The following CRKL variants were observed in gnomAD, a reference collection of about 807,000 sequenced individuals.
CRKL encodes the protein crk-like protein.
A neutral mutation model predicts 23.0 loss-of-function variants in CRKL; 3 were observed. The observed-to-expected ratio is 0.13, with a 90% CI of 0.06 to 0.34. The LOEUF is 0.34. Among genes scored for constraint, CRKL ranks in the 10% least tolerant of loss-of-function variants. The pLI is 1.00. For synonymous variants in CRKL, 188 were observed against 160.7 expected, an observed-to-expected ratio of 1.17 and a Z score of -1.28; for missense variants, 256 against 394.5, an observed-to-expected ratio of 0.65 and a Z score of 2.97.
chr22:20,936,210 A>G (rs1011662680), intron 2 of CRKL, among the ~76,000 whole-genome samples: 1 of 152,156 alleles, frequency 6.6e-6, no homozygotes, highest in Non-Finnish European at 1.5e-5. Flanking sequence ...TTTCAGAAGG[A>G]TGAAGTAAGG....
intron 1 of CRKL, among the ~76,000 whole-genome samples, chr22:20,924,137 A>G (rs779364552): frequency 7.2e-5 from 11 of 152,198 alleles, no homozygotes; most frequent in Non-Finnish European, 1.2e-4. Flanking sequence ...ACAGTGAGCT[A>G]TGATCATGCC....
At chr22:20,933,646 C>G (rs571044406) in intron 1 of CRKL, 133 bp from the exon 2 acceptor site, 1 of 756,868 alleles carries the variant, frequency 1.3e-6, no homozygotes, top group Admixed American at 2.9e-5. Context: ...CCAGCCTGGG[C>G]GACAAGAGCA....
chr22:20,949,961 C>T lies in CRKL; in HGVS notation c.*116C>T, dbSNP rs1922204006. 1 of 1,378,450 alleles carries T rather than the reference C, an allele frequency of 7.3e-7. No homozygotes were observed. Among genetic ancestry groups the T allele is most frequent in the Non-Finnish European group, 9.7e-7 (1 of 1,028,598 alleles). 85.4% of individuals were successfully genotyped at this position (1,378,450 alleles called of 1,614,324 possible). ...CACTGCATTGCCGAAGTCCAGCTTT[C>T]TGCAGACTGGCAGTCGCACACACAT... is the stretch of plus-strand genomic sequence containing the variant. On this transcript the variant is annotated 3_prime_UTR_variant, in exon 3 of 3. Transcript: ENST00000354336.
In CRKL at chr22:20,950,027, T is replaced by A; in HGVS notation, c.*182T>A. On this transcript the variant is annotated 3_prime_UTR_variant, in exon 3 of 3. Transcript: ENST00000354336. ...CGGCTGCCTCCTGATGTTTGTATCA[T>A]AGTCGTATTGTCAAAGAGTAGCCGA... 1.4e-6 allele frequency: 1 copy of A among 732,286 alleles called. No homozygotes were observed. Among genetic ancestry groups the A allele is most frequent in the Non-Finnish European group, 2.1e-6 (1 of 471,280 alleles). The allele number at this position is 732,286 out of a possible 1,614,324, so 45.4% of individuals were successfully genotyped here. A position where few individuals can be genotyped will look rare whatever the true frequency, so the allele number is the denominator to read the frequency against.
At position 20,943,157 on chromosome 22, in the gene CRKL, T is replaced by C. The variant is rs557949498; in HGVS notation, c.778-6554T>C. ...TGTTGAGCATCTTTTCATATTGGCT[T>C]TTGGCAAATCTTTGGATAAATATTT... On this transcript the variant is annotated intron_variant, in intron 2 of 2. Coordinates refer to ENST00000354336, the MANE Select transcript of CRKL (RefSeq NM_005207.4). Among the ~76,000 whole-genome samples, 64 of 152,364 alleles carry C rather than the reference T, an allele frequency of 4.2e-4. No individual in the cohort carries two copies. The Middle Eastern group carries it at 0.01, about 24-fold the overall frequency.
At chr22:20,926,576 T>G (rs1921210849) in intron 1 of CRKL, among the ~76,000 whole-genome samples, 2 of 152,126 alleles carry the variant, frequency 1.3e-5, no homozygotes, top group African/African-American at 4.8e-5. Context: ...AGGTGGTATT[T>G]AGCAATCTGA....
intron 1 of CRKL, among the ~76,000 whole-genome samples, chr22:20,929,843 A>C (rs1351419702): frequency 6.6e-6 from 1 of 152,166 alleles, no homozygotes; most frequent in Non-Finnish European, 1.5e-5. Flanking sequence ...GAAGCAATAA[A>C]TTTTCTGATG....
chr22:20,941,106 T>G (rs1921853526), intron 2 of CRKL, among the ~76,000 whole-genome samples: 1 of 152,074 alleles, frequency 6.6e-6, no homozygotes, highest in South Asian at 2.1e-4. Flanking sequence ...TGTGGCAAGC[T>G]TACAGGCTCC....
chr22:20,923,097 A>C (rs767914912), intron 1 of CRKL, among the ~76,000 whole-genome samples: 2 of 152,192 alleles, frequency 1.3e-5, no homozygotes, highest in Non-Finnish European at 2.9e-5. Flanking sequence ...AATTCAGGCT[A>C]TGAAGAAAAA....
At position 20,950,550 on chromosome 22, in the gene CRKL, A is replaced by T; in HGVS notation, c.*705A>T. ...TGCCTCAGCCTCCCAAGTAGCTGGG[A>T]CTGCAGGCGCGCACACCACGCCCAG... On this transcript the variant is annotated 3_prime_UTR_variant, in exon 3 of 3. Transcript: ENST00000354336. 1 of 224,248 alleles carries T rather than the reference A, an allele frequency of 4.5e-6. No homozygotes were observed. The highest frequency in any genetic ancestry group is 8.9e-6 in the Non-Finnish European group (1 of 112,532). 13.9% of individuals were successfully genotyped at this position (224,248 alleles called of 1,614,324 possible).
chr22:20,924,498 A>G (rs1921120605), intron 1 of CRKL, among the ~76,000 whole-genome samples: 1 of 152,234 alleles, frequency 6.6e-6, no homozygotes, highest in African/African-American at 2.4e-5. Context: ...AACTCTGTGA[A>G]TAAACCCCTT....
intron 2 of CRKL, among the ~76,000 whole-genome samples, chr22:20,948,026 A>C (rs1371312935): frequency 6.6e-6 from 1 of 152,166 alleles, no homozygotes; most frequent in Non-Finnish European, 1.5e-5. Context: ...ACAAAGATTC[A>C]TTGTGTATCC....
At chr22:20,919,622 A>G (rs1162812339) in intron 1 of CRKL, among the ~76,000 whole-genome samples, 1 of 152,166 alleles carries the variant, frequency 6.6e-6, no homozygotes, top group Admixed American at 6.5e-5. Context: ...AAATTATCCC[A>G]AATTTGAGTT....
At chr22:20,942,724 G>A (rs191877617) in intron 2 of CRKL, among the ~76,000 whole-genome samples, 39 of 152,080 alleles carry the variant, frequency 2.6e-4, no homozygotes, top group African/African-American at 8.4e-4. Context: ...GGGTTCAAGC[G>A]ATTTCTCCTG....
intron 1 of CRKL, 87 bp from the exon 2 acceptor site, chr22:20,933,692 T>A (rs965371577): frequency 9.2e-7 from 1 of 1,085,312 alleles, no homozygotes; most frequent in East Asian, 2.4e-5. Context: ...TAATTTATTA[T>A]AGAGGAGAGT....
chr22:20,934,835 A>G (rs1403247501), intron 2 of CRKL, among the ~76,000 whole-genome samples: 2 of 96,874 alleles, frequency 2.1e-5, no homozygotes, highest in African/African-American at 8.5e-5. Context: ...TTTTTTTGAG[A>G]TGGAGTCTCA....
In CRKL at chr22:20,928,751, T is replaced by C. The variant is rs368433910; in HGVS notation, c.312-5028T>C. 1.2e-4 allele frequency among the ~76,000 whole-genome samples: 16 copies of C among 137,574 alleles called. No homozygotes were observed. The South Asian group carries it at 3.1e-3, about 26-fold the overall frequency. The allele number at this position is 137,574 out of a possible 152,430, so 90.3% of individuals were successfully genotyped here. On this transcript the variant is annotated intron_variant, in intron 1 of 2. Coordinates refer to ENST00000354336, the MANE Select transcript of CRKL (RefSeq NM_005207.4). The stretch of plus-strand genomic sequence containing the variant: ...TCGCTTGAGCCTTGGAGGTTGAGGC[T>C]GCAATGAGCCATGATTGTGCCTCTG...
intron 1 of CRKL, among the ~76,000 whole-genome samples, chr22:20,923,596 G>A (rs1405340266): frequency 8.6e-6 from 1 of 116,090 alleles, no homozygotes; most frequent in African/African-American, 3.4e-5. Flanking sequence ...TTTTTTTTGA[G>A]ACAGAGTCTT....
At position 20,950,282 on chromosome 22, in the gene CRKL, G is replaced by C; in HGVS notation, c.*437G>C. On this transcript the variant is annotated 3_prime_UTR_variant, in exon 3 of 3. Transcript: ENST00000354336. ...TGCTTTTCTTTGGACAACAGGAAGT[G>C]AACCTTAAGGAAGAGAGAATTCTGT... The C allele has an allele frequency of 4.2e-6, 1 of 235,588 alleles. No homozygotes were observed. The highest frequency in any genetic ancestry group is 6.0e-5 in the East Asian group (1 of 16,590). The allele number at this position is 235,588 out of a possible 1,614,324, so 14.6% of individuals were successfully genotyped here.
Sources: gnomAD v4.1 joint callset for allele counts (sites outside exome capture counted in the v4.1 genomes callset) on GRCh38, gnomAD v4.1.1 for gene constraint, MANE v1.5 for transcripts, NCBI Gene and HGNC (gene_info 2026-07-23, HGNC 2026-07-21) for gene names.